Variants in ADAMTSL1 observed in about 807,000 individuals in gnomAD.
ADAMTSL1 encodes the protein ADAMTS like 1, also known as ADAMTS-like protein 1.
Under a neutral mutation model 201.8 loss-of-function variants are expected in ADAMTSL1, and 126 were observed. The ratio of observed to expected loss-of-function variants is 0.62; its 90% confidence interval spans 0.54 to 0.72. The LOEUF (loss-of-function observed/expected upper bound fraction) is 0.72. Ranked by LOEUF, ADAMTSL1 falls within the 30% of genes least tolerant of loss-of-function variation. The pLI is 0.00. For synonymous variants in ADAMTSL1, 1,121 were observed against 903.4 expected, an observed-to-expected ratio of 1.24 and a Z score of -4.32; for missense variants, 2,679 against 2,277.8, an observed-to-expected ratio of 1.18 and a Z score of -3.59.
At chr9:18,865,279 A>C (rs1011035435) in intron 23 of ADAMTSL1, among the ~76,000 whole-genome samples, 7 of 152,028 alleles carry the variant, frequency 4.6e-5, no homozygotes, top group South Asian at 2.1e-4. Flanking sequence ...CTATGAGTGA[A>C]AACATGTGGT....
chr9:18,373,333 A>T (rs941897692), intron 2 of ADAMTSL1, among the ~76,000 whole-genome samples: 3 of 152,236 alleles, frequency 2.0e-5, no homozygotes, highest in Admixed American at 1.3e-4. Context: ...AATGTGAAAA[A>T]AATGTGGCAT....
chr9:18,366,776 C>T (rs962907869), intron 2 of ADAMTSL1, among the ~76,000 whole-genome samples: 1 of 151,334 alleles, frequency 6.6e-6, no homozygotes, highest in Non-Finnish European at 1.5e-5. Flanking sequence ...TGCCACCATT[C>T]CCGGCTAATT....
At chr9:18,611,882 T>A (rs1825399589) in intron 4 of ADAMTSL1, among the ~76,000 whole-genome samples, 1 of 151,580 alleles carries the variant, frequency 6.6e-6, no homozygotes, top group Admixed American at 6.6e-5. Flanking sequence ...GAGGTGGGAG[T>A]GTGTAGGTTG....
chr9:18,317,651 TC>T (rs144048428), intron 2 of ADAMTSL1, among the ~76,000 whole-genome samples: 2 of 152,336 alleles, frequency 1.3e-5, no homozygotes, highest in East Asian at 3.9e-4. Flanking sequence ...AGGCCTTTAG[TC>T]CCCATCTTCA....
chr9:18,828,943 A>G (rs1281629709), intron 22 of ADAMTSL1, among the ~76,000 whole-genome samples: 1 of 151,866 alleles, frequency 6.6e-6, no homozygotes, highest in Non-Finnish European at 1.5e-5. Context: ...TTCAAGAGCA[A>G]TACTCCTGGG....
At chr9:18,245,455 C>G (rs1448414972) in intron 2 of ADAMTSL1, among the ~76,000 whole-genome samples, 6 of 152,082 alleles carry the variant, frequency 3.9e-5, no homozygotes, top group African/African-American at 1.4e-4. Context: ...TTGTGACTGC[C>G]TTACTGGGCA....
Position 17,913,815 on chromosome 9 carries a change from C to T in ADAMTSL1, c.87+6893C>T, listed in dbSNP as rs923721555. On this transcript the variant is annotated intron_variant, in intron 1 of 29. Transcript: ENST00000680146. ...AGAAAAGAGAGAAGAATCAAATAGACGCAATAAAAATGATAATGGGGATAT... is the reference window on the plus strand; with the variant it reads ...AGAAAAGAGAGAAGAATCAAATAGATGCAATAAAAATGATAATGGGGATAT... 0.029 allele frequency among the ~76,000 whole-genome samples: 236 copies of T among 8,096 alleles called. No homozygotes were observed. In the East Asian group the frequency reaches 0.33, roughly 11 times the overall value. 5.3% of individuals were successfully genotyped at this position (8,096 alleles called of 152,430 possible). A position where few individuals can be genotyped will look rare whatever the true frequency, so the allele number is the denominator to read the frequency against.
chr9:18,800,238 G>C (rs568215912), intron 20 of ADAMTSL1, among the ~76,000 whole-genome samples: 7 of 152,046 alleles, frequency 4.6e-5, no homozygotes, highest in African/African-American at 1.7e-4. Context: ...TTAGCCATGT[G>C]TGGTGGCAAG....
intron 15 of ADAMTSL1, among the ~76,000 whole-genome samples, chr9:18,727,857 A>G (rs2133461801): frequency 6.6e-6 from 1 of 152,132 alleles, no homozygotes; most frequent in Non-Finnish European, 1.5e-5. Context: ...AGGTGGGTGG[A>G]TCATCTGAGA....
intron 2 of ADAMTSL1, among the ~76,000 whole-genome samples, chr9:18,356,512 G>C (rs1265058816): frequency 7.6e-6 from 1 of 130,918 alleles, no homozygotes; most frequent in African/African-American, 2.8e-5. Context: ...GGGGGACACA[G>C]TGAGACCCTG....
intron 2 of ADAMTSL1, among the ~76,000 whole-genome samples, chr9:18,288,983 A>G (rs935383039): frequency 3.3e-5 from 5 of 152,246 alleles, no homozygotes; most frequent in African/African-American, 1.2e-4. Flanking sequence ...CAAAGTAATT[A>G]TACCAGATGA....
intron 7 of ADAMTSL1, among the ~76,000 whole-genome samples, chr9:18,655,527 G>C (rs992178198): frequency 6.6e-6 from 1 of 152,012 alleles, no homozygotes; most frequent in East Asian, 1.9e-4. Flanking sequence ...CAAGTATTAT[G>C]ATGTTATATC....
Position 18,619,501 on chromosome 9 carries a change from C to A in ADAMTSL1, c.475-2742C>A, listed in dbSNP as rs115190649. On this transcript the variant is annotated intron_variant, in intron 4 of 28. Coordinates refer to ENST00000380548, the MANE Select transcript of ADAMTSL1 (RefSeq NM_001040272.6). ...ATTTAAAACTGACTTGGTTCATATC[C>A]TGGGGTCCGTAAACCCACACTGATA... 9.5e-3 allele frequency among the ~76,000 whole-genome samples: 1,443 copies of A among 152,180 alleles called. 19 individuals are homozygous for A. Among genetic ancestry groups the A allele is most frequent in the African/African-American group, 0.034 (1,391 of 41,512 alleles).
intron 9 of ADAMTSL1, among the ~76,000 whole-genome samples, chr9:18,665,458 A>G (rs1829373762): frequency 6.6e-6 from 1 of 152,020 alleles, no homozygotes. Flanking sequence ...GTCCCTTCCA[A>G]CTTCAAACTC....
chr9:18,719,680 T>TA (rs1341545598), intron 14 of ADAMTSL1, among the ~76,000 whole-genome samples: 2 of 152,016 alleles, frequency 1.3e-5, no homozygotes, highest in East Asian at 1.9e-4. Context: ...TTCTTTTTTT[T>TA]AAAAAATGTT....
At chr9:18,105,614 A>G (rs918436677) in intron 1 of ADAMTSL1, among the ~76,000 whole-genome samples, 2 of 152,208 alleles carry the variant, frequency 1.3e-5, no homozygotes, top group Non-Finnish European at 2.9e-5. Context: ...ACAAGAATGC[A>G]GAAAGTAAAC....
At chr9:18,085,729 C>T (rs1431873300) in intron 1 of ADAMTSL1, among the ~76,000 whole-genome samples, 1 of 148,698 alleles carries the variant, frequency 6.7e-6, no homozygotes, top group Non-Finnish European at 1.5e-5. Context: ...ATATATATAG[C>T]AGGTTATATA....
upstream of ADAMTSL1, chr9:18,474,007 A>G: frequency 2.0e-6 from 1 of 494,412 alleles, no homozygotes; most frequent in South Asian, 3.6e-5. Context: ...AGCATGTCTG[A>G]TTAGCAGGAG....
intron 1 of ADAMTSL1, among the ~76,000 whole-genome samples, chr9:18,126,826 C>T (rs1000427710): frequency 2.6e-5 from 4 of 152,062 alleles, no homozygotes; most frequent in Non-Finnish European, 5.9e-5. Flanking sequence ...GCTTATGCCT[C>T]TGGATGCAAA....
Sources: allele counts gnomAD v4.1 joint callset (sites outside exome capture counted in the v4.1 genomes callset), GRCh38; gene constraint gnomAD v4.1.1; transcripts MANE v1.5; gene names NCBI Gene and HGNC (gene_info 2026-07-23, HGNC 2026-07-21).